HSF2BP: variants seen among roughly 807,000 people sequenced by gnomAD.
HSF2BP encodes heat shock transcription factor 2 binding protein.
Under a neutral mutation model 35.0 loss-of-function variants are expected in HSF2BP, and 35 were observed. The ratio of observed to expected loss-of-function variants is 1.00; its 90% CI spans 0.76 to 1.32. The LOEUF (loss-of-function observed/expected upper bound fraction) is 1.32. HSF2BP is among the 40% of genes most tolerant of loss of function. The pLI, the probability that HSF2BP is intolerant of heterozygous loss-of-function variation, is 0.00. For synonymous variants in HSF2BP, 114 were observed against 117.4 expected, an observed-to-expected ratio of 0.97 and a Z score of 0.18; for missense variants, 326 against 321.7, an observed-to-expected ratio of 1.01 and a Z score of -0.10.
chr21:43,642,593 T>C (rs569403575), intron 4 of HSF2BP, among the ~76,000 whole-genome samples: 14 of 151,946 alleles, frequency 9.2e-5, no homozygotes, highest in African/African-American at 2.7e-4. Flanking sequence ...CTTCCCTCTG[T>C]ATTCACCTTG....
chr21:43,657,667 T>C (rs964175058), intron 2 of HSF2BP, among the ~76,000 whole-genome samples: 3 of 152,184 alleles, frequency 2.0e-5, no homozygotes, highest in African/African-American at 7.2e-5. Context: ...TCAGTTACAG[T>C]TATAAAATCG....
chr21:43,634,649 T>C (rs1186397076), intron 4 of HSF2BP, among the ~76,000 whole-genome samples: 1 of 152,124 alleles, frequency 6.6e-6, no homozygotes, highest in Admixed American at 6.5e-5. Flanking sequence ...CTGGAGACAA[T>C]GCGTTTGGCA....
At chr21:43,606,587 C>T (rs1381930080) in intron 7 of HSF2BP, among the ~76,000 whole-genome samples, 1 of 152,172 alleles carries the variant, frequency 6.6e-6, no homozygotes, top group Non-Finnish European at 1.5e-5. Context: ...TGGCCCAAGG[C>T]AGACTACTGC....
intron 3 of HSF2BP, among the ~76,000 whole-genome samples, chr21:43,649,404 G>A (rs2082752614): frequency 6.6e-6 from 1 of 151,840 alleles, no homozygotes; most frequent in African/African-American, 2.4e-5. Context: ...CTGTACTCCA[G>A]CCTGGGTGAC....
At chr21:43,574,846 G>C (rs2081622082) in intron 8 of HSF2BP, among the ~76,000 whole-genome samples, 1 of 152,142 alleles carries the variant, frequency 6.6e-6, no homozygotes, top group Admixed American at 6.5e-5. Context: ...GGACGGGGGT[G>C]CCGTCAACCC....
intron 7 of HSF2BP, among the ~76,000 whole-genome samples, chr21:43,611,934 C>G (rs143352465): frequency 6.6e-6 from 1 of 152,166 alleles, no homozygotes; most frequent in African/African-American, 2.4e-5. Flanking sequence ...AAATTCCTGG[C>G]CTCATCCCAA....
chr21:43,583,698 G>T (rs1008251184), intron 8 of HSF2BP, among the ~76,000 whole-genome samples: 12 of 141,308 alleles, frequency 8.5e-5, no homozygotes, highest in Admixed American at 4.9e-4. Context: ...TGAAGGGCCT[G>T]CTGAGGGAGA....
In HSF2BP at chr21:43,625,653, C is replaced by A. The variant is rs984855728; in HGVS notation, c.574+4669G>T. On this transcript the variant is annotated intron_variant, in intron 6 of 8. Coordinates refer to ENST00000291560, the MANE Select transcript of HSF2BP (RefSeq NM_007031.2). The stretch of plus-strand genomic sequence containing the variant: ...ATCCATTTGAGAGCTAACCCATGGT[C>A]TCTATTACCTATCCCCACAGGATAG... Among the ~76,000 whole-genome samples, 8 of 152,150 alleles carry A rather than the reference C, an allele frequency of 5.3e-5. No homozygotes were observed. The South Asian group carries it at 1.7e-3, about 32-fold the overall frequency.
At chr21:43,658,861 C>G (rs2082920801) in intron 1 of HSF2BP, among the ~76,000 whole-genome samples, 1 of 152,190 alleles carries the variant, frequency 6.6e-6, no homozygotes, top group Non-Finnish European at 1.5e-5. Flanking sequence ...AGCCCTCCAC[C>G]CGCTCAACAG....
intron 8 of HSF2BP, among the ~76,000 whole-genome samples, chr21:43,587,280 A>T (rs751124713): frequency 5.3e-5 from 8 of 152,218 alleles, no homozygotes; most frequent in Non-Finnish European, 8.8e-5. Flanking sequence ...GATTCTAAAG[A>T]TTCTAAAGTA....
At chr21:43,649,618 G>A (rs901464868) in intron 3 of HSF2BP, among the ~76,000 whole-genome samples, 2 of 152,106 alleles carry the variant, frequency 1.3e-5, no homozygotes, top group Admixed American at 1.3e-4. Flanking sequence ...TCAGAAATGA[G>A]GCCAACATTT....
intron 3 of HSF2BP, among the ~76,000 whole-genome samples, chr21:43,644,738 A>G (rs1325529544): frequency 1.3e-5 from 2 of 152,240 alleles, no homozygotes; most frequent in African/African-American, 2.4e-5. Flanking sequence ...CATGGCACAG[A>G]CTTGTCGCTA....
intron 4 of HSF2BP, among the ~76,000 whole-genome samples, chr21:43,637,805 T>C (rs1239161493): frequency 1.1e-5 from 1 of 91,872 alleles, no homozygotes; most frequent in Non-Finnish European, 2.2e-5. Flanking sequence ...GCCCTGTCTC[T>C]GGAAAAAAAA....
chr21:43,615,787 T>C (rs1568915694), intron 6 of HSF2BP, among the ~76,000 whole-genome samples: 1 of 152,124 alleles, frequency 6.6e-6, no homozygotes, highest in Non-Finnish European at 1.5e-5. Context: ...AAGTAAGCAT[T>C]TGGCATCAGA....
intron 8 of HSF2BP, among the ~76,000 whole-genome samples, chr21:43,572,210 C>T (rs1029009117): frequency 6.6e-6 from 1 of 152,168 alleles, no homozygotes; most frequent in Non-Finnish European, 1.5e-5. Flanking sequence ...CACGACATGT[C>T]CAGCTCTGGG....
chr21:43,467,376 C>T, the HSF2BP span: 1 of 58,118 alleles, frequency 1.7e-5, no homozygotes, highest in East Asian at 4.1e-4. Context: ...CCGAGCTTTC[C>T]GGAGCTCCAG....
At chr21:43,601,351 G>A (rs1211256821) in intron 7 of HSF2BP, among the ~76,000 whole-genome samples, 3 of 152,144 alleles carry the variant, frequency 2.0e-5, no homozygotes, top group African/African-American at 7.2e-5. Context: ...CATCTTATTA[G>A]GGTTATAATT....
At chr21:43,615,259 G>A (rs994185978) in intron 6 of HSF2BP, among the ~76,000 whole-genome samples, 2 of 152,154 alleles carry the variant, frequency 1.3e-5, no homozygotes, top group Non-Finnish European at 2.9e-5. Flanking sequence ...TAATGGAAAC[G>A]CTTCTAAAAA....
chr21:43,591,779 C>T (rs542172147), intron 8 of HSF2BP, among the ~76,000 whole-genome samples: 2 of 152,284 alleles, frequency 1.3e-5, no homozygotes, highest in African/African-American at 2.4e-5. Flanking sequence ...CACCATTCTG[C>T]GTAGCATGAT....
Sources: gnomAD v4.1 joint callset for allele counts (sites outside exome capture counted in the v4.1 genomes callset) on GRCh38, gnomAD v4.1.1 for gene constraint, MANE v1.5 for transcripts, NCBI Gene and HGNC (gene_info 2026-07-23, HGNC 2026-07-21) for gene names.